Variants in RAB1A observed in about 807,000 individuals in gnomAD.
RAB1A encodes ras-related protein Rab-1A.
In RAB1A, 2 loss-of-function variants were observed where a neutral mutation model predicts 26.0. The observed-to-expected ratio is 0.08, with a 90% CI of 0.03 to 0.24. The LOEUF (loss-of-function observed/expected upper bound fraction) is 0.24, where lower values mean the gene tolerates loss of function less well. Ranked by LOEUF, RAB1A falls within the 10% of genes least tolerant of loss-of-function variation. The pLI is 1.00. For synonymous variants in RAB1A, 84 were observed against 84.9 expected (o/e 0.99, Z 0.06); for missense variants, 100 against 247.0 (o/e 0.40, Z 3.99).
At chr2:65,123,884 A>G (rs1670031593) in intron 1 of RAB1A, among the ~76,000 whole-genome samples, 1 of 135,220 alleles carries the variant, frequency 7.4e-6, no homozygotes, top group Admixed American at 8.1e-5. Context: ...AAGCACTTCC[A>G]TCTTTAAGAC....
At chr2:65,128,794 G>C (rs1227690908) in intron 1 of RAB1A, among the ~76,000 whole-genome samples, 1 of 152,002 alleles carries the variant, frequency 6.6e-6, no homozygotes, top group East Asian at 1.9e-4. Context: ...ATACCAATTC[G>C]GTCTCTTCCA....
intron 1 of RAB1A, among the ~76,000 whole-genome samples, chr2:65,125,354 C>T (rs1431115254): frequency 1.3e-5 from 2 of 151,556 alleles, no homozygotes. Context: ...TAAAAAAATC[C>T]ACTGGAAGCC....
rs774236384 is a variant in RAB1A, at chr2:65,130,033, A to ACTC, written c.-119_-118insGAG. ...GAGATAGGCTGTTCCGGGAGAGCAA[A>ACTC]CGTCTTCCCCTACTCCGTCCCCTAG... On this transcript the variant is annotated 5_prime_UTR_variant, in exon 1 of 6. Transcript: ENST00000409784. 2.3e-4 allele frequency: 262 copies of ACTC among 1,142,386 alleles called. No individual in the cohort carries two copies. Among genetic ancestry groups the ACTC allele is most frequent in the Non-Finnish European group, 3.1e-4 (245 of 780,044 alleles). The allele number at this position is 1,142,386 out of a possible 1,614,324, so 70.8% of individuals were successfully genotyped here.
intron 3 of RAB1A, among the ~76,000 whole-genome samples, chr2:65,093,968 C>A (rs559702408): frequency 2.0e-5 from 2 of 101,026 alleles, no homozygotes; most frequent in Admixed American, 1.1e-4. Context: ...TAAAGTGAGA[C>A]CCTCTTCTTT....
intron 1 of RAB1A, among the ~76,000 whole-genome samples, chr2:65,123,686 T>C (rs1483197892): frequency 6.6e-6 from 1 of 151,214 alleles, no homozygotes; most frequent in Non-Finnish European, 1.5e-5. Context: ...ATTAGCCGGG[T>C]GTGGTGGCAC....
At chr2:65,096,178 G>A (rs189324347) in intron 3 of RAB1A, among the ~76,000 whole-genome samples, 4 of 151,416 alleles carry the variant, frequency 2.6e-5, no homozygotes, top group African/African-American at 9.7e-5. Context: ...GTCCGGGCAT[G>A]GTGGTACACA....
intron 1 of RAB1A, among the ~76,000 whole-genome samples, chr2:65,114,835 G>A (rs374302225): frequency 6.8e-6 from 1 of 147,048 alleles, no homozygotes; most frequent in East Asian, 2.0e-4. Flanking sequence ...CTGGGCAACA[G>A]AGCGAGACTC....
At chr2:65,118,758 G>GCTGA (rs1669881833) in intron 1 of RAB1A, among the ~76,000 whole-genome samples, 1 of 152,158 alleles carries the variant, frequency 6.6e-6, no homozygotes, top group African/African-American at 2.4e-5. Flanking sequence ...GACTACAGGC[G>GCTGA]TCAGCCCCCG....
At chr2:65,122,168 A>ATT (rs1669979513) in intron 1 of RAB1A, among the ~76,000 whole-genome samples, 1 of 148,800 alleles carries the variant, frequency 6.7e-6, no homozygotes, top group African/African-American at 2.5e-5. Context: ...AAAAAAAAAA[A>ATT]AAAAAAAAAA....
At chr2:65,103,231 G>C (rs1321532027) in intron 2 of RAB1A, among the ~76,000 whole-genome samples, 1 of 141,928 alleles carries the variant, frequency 7.0e-6, no homozygotes, top group Non-Finnish European at 1.5e-5. Flanking sequence ...TGAAGTGGGA[G>C]AACAGCTTGA....
intron 2 of RAB1A, among the ~76,000 whole-genome samples, chr2:65,098,494 C>T (rs925816155): frequency 2.6e-5 from 4 of 151,996 alleles, no homozygotes; most frequent in Admixed American, 6.6e-5. Flanking sequence ...AATTTCACTC[C>T]GCTTTTTCTT....
rs1214266691 is a variant in RAB1A, at chr2:65,119,568, AAC to A, written c.23+10323_23+10324del. On this transcript the variant is annotated intron_variant, in intron 1 of 5. Coordinates refer to ENST00000409784, the MANE Select transcript of RAB1A (RefSeq NM_004161.5). ...AGAGCTAGACTCTGTCTCAAAAAAAAACAAAAAAACAAAAACAAAAAAAAACA... is the reference window on the plus strand; with the variant it reads ...AGAGCTAGACTCTGTCTCAAAAAAAAAAAAAAACAAAAACAAAAAAAAACA... Among the ~76,000 whole-genome samples, 31 of 151,434 alleles carry A rather than the reference AAC, an allele frequency of 2.0e-4. 2 individuals carry two copies. Among genetic ancestry groups the A allele is most frequent in the African/African-American group, 7.1e-4 (29 of 41,044 alleles).
At chr2:65,123,592 C>A (rs1670023115) in intron 1 of RAB1A, among the ~76,000 whole-genome samples, 1 of 151,914 alleles carries the variant, frequency 6.6e-6, no homozygotes, top group Non-Finnish European at 1.5e-5. Flanking sequence ...AGCAATTTGG[C>A]TGAGGTGGGT....
At chr2:65,099,919 A>G (rs1313539979) in intron 2 of RAB1A, among the ~76,000 whole-genome samples, 2 of 152,224 alleles carry the variant, frequency 1.3e-5, no homozygotes, top group African/African-American at 2.4e-5. Flanking sequence ...CAAAATGACA[A>G]ATCTAGAATA....
At chr2:65,097,886 TA>T in intron 3 of RAB1A, 84 bp downstream of exon 3, 1 of 680,096 alleles carries the variant, frequency 1.5e-6, no homozygotes. Context: ...TCAATTTTGT[TA>T]GCATAGTAAA....
At chr2:65,112,147 A>ATT (rs371108447) in intron 1 of RAB1A, among the ~76,000 whole-genome samples, 14,595 of 142,318 alleles carry the variant, frequency 0.1, 997 homozygotes, top group South Asian at 0.2. Context: ...CTAGCTCATG[A>ATT]TTTTTTTTTT....
At chr2:65,103,907 T>G (rs1669495453) in intron 2 of RAB1A, among the ~76,000 whole-genome samples, 1 of 152,020 alleles carries the variant, frequency 6.6e-6, no homozygotes. Context: ...GCCTCCCGAG[T>G]AGCTGGGACT....
chr2:65,111,970 C>G (rs1478898471), intron 1 of RAB1A, among the ~76,000 whole-genome samples: 1 of 151,818 alleles, frequency 6.6e-6, no homozygotes, highest in Non-Finnish European at 1.5e-5. Context: ...GTAGTCTCAG[C>G]TACTCAGGAA....
chr2:65,118,738 A>G (rs752255490), intron 1 of RAB1A, among the ~76,000 whole-genome samples: 31 of 152,078 alleles, frequency 2.0e-4, no homozygotes, highest in Non-Finnish European at 3.8e-4. Context: ...TCAGCCTCCC[A>G]AAGTGCTAGG....
Sources: gnomAD v4.1 joint callset for allele counts (sites outside exome capture counted in the v4.1 genomes callset) on GRCh38, gnomAD v4.1.1 for gene constraint, MANE v1.5 for transcripts, NCBI Gene and HGNC (gene_info 2026-07-23, HGNC 2026-07-21) for gene names.